The following PDGFD variants were observed in gnomAD, a reference collection of about 807,000 sequenced individuals.
The protein encoded by PDGFD is platelet derived growth factor D, also known as platelet-derived growth factor D.
A neutral mutation model predicts 44.7 loss-of-function variants in PDGFD; 30 were observed. The observed-to-expected ratio is 0.67, with a 90% CI of 0.50 to 0.91. The LOEUF (loss-of-function observed/expected upper bound fraction) is 0.91, where lower values mean the gene tolerates loss of function less well. Among genes scored for constraint, PDGFD ranks in the 40% least tolerant of loss-of-function variants. The pLI is 0.00. For missense variants in PDGFD, 445 were observed against 457.8 expected (o/e 0.97, Z 0.25); for synonymous variants, 173 against 168.4 (o/e 1.03, Z -0.21).
intron 1 of PDGFD, among the ~76,000 whole-genome samples, chr11:104,032,819 T>C (rs1016813104): frequency 1.3e-5 from 2 of 152,080 alleles, no homozygotes; most frequent in African/African-American, 2.4e-5. Context: ...TTCTGAGTGA[T>C]AGCCTGGAGA....
rs1170411419 is a variant in PDGFD at position 103,908,372 on chromosome 11, A to G, written c.*1322T>C. ...ACAGTTTTCTATTAAACAGTAGGAC[A>G]GCAGGGCCAAACTTGTGTTACCACA... On this transcript the variant is annotated 3_prime_UTR_variant, in exon 7 of 7. Transcript: ENST00000393158. 6.6e-6 allele frequency: 1 copy of G among 152,246 alleles called. No homozygotes were observed. Among genetic ancestry groups the G allele is most frequent in the Non-Finnish European group, 1.5e-5 (1 of 68,036 alleles). The allele number at this position is 152,246 out of a possible 1,614,324, so 9.4% of individuals were successfully genotyped here. A position where few individuals can be genotyped will look rare whatever the true frequency, so the allele number is the denominator to read the frequency against.
At chr11:104,111,262 C>CTTTTTTTTTTT in intron 1 of PDGFD, among the ~76,000 whole-genome samples, 1 of 119,646 alleles carries the variant, frequency 8.4e-6, no homozygotes. Flanking sequence ...ATTATTAATT[C>CTTTTTTTTTTT]TTTTTTTTTT....
chr11:104,113,561 A>G (rs1861591212), intron 1 of PDGFD, among the ~76,000 whole-genome samples: 2 of 151,500 alleles, frequency 1.3e-5, no homozygotes, highest in East Asian at 1.9e-4. Context: ...AATTATGAAC[A>G]TAGCTGCTAT....
rs1409943824 is a variant in PDGFD at position 104,082,142 on chromosome 11, A to ATATATATATATATATATATATATATG, written c.124+81661_124+81662insCATATATATATATATATATATATATA. Among the ~76,000 whole-genome samples the ATATATATATATATATATATATATATG allele has an allele frequency of 1.1e-4, 16 of 147,352 alleles. 1 individual carries two copies. The highest frequency in any genetic ancestry group is 4.1e-4 in the African/African-American group (16 of 39,216). On this transcript the variant is annotated intron_variant, in intron 1 of 6. Transcript: ENST00000393158. ...GATGTCCATATACATACATACATATATATATATGAAAAACAAAGTCCATTA... is the reference window on the plus strand; with the variant it reads ...GATGTCCATATACATACATACATATATATATATATATATATATATATATATGTATATATGAAAAACAAAGTCCATTA...
chr11:104,032,416 G>T (rs1387568028), intron 1 of PDGFD, among the ~76,000 whole-genome samples: 1 of 151,992 alleles, frequency 6.6e-6, no homozygotes, highest in African/African-American at 2.4e-5. Context: ...AATAAGTCTT[G>T]ATTACACGTT....
At chr11:104,086,319 G>A (rs1215529524) in intron 1 of PDGFD, among the ~76,000 whole-genome samples, 2 of 152,144 alleles carry the variant, frequency 1.3e-5, no homozygotes, top group Admixed American at 6.5e-5. Flanking sequence ...AAAGCCTGGA[G>A]GAACAGCATG....
intron 1 of PDGFD, among the ~76,000 whole-genome samples, chr11:104,022,427 G>A (rs1334565469): frequency 1.3e-5 from 2 of 152,186 alleles, no homozygotes; most frequent in South Asian, 2.1e-4. Context: ...CTTCTTATAG[G>A]ATAATGCTTT....
At chr11:103,953,451 G>T (rs1591091953) in intron 3 of PDGFD, among the ~76,000 whole-genome samples, 1 of 152,130 alleles carries the variant, frequency 6.6e-6, no homozygotes, top group African/African-American at 2.4e-5. Context: ...GTTGATATTG[G>T]TTAGCACTGA....
At chr11:103,921,989 T>A (rs1858231525) in intron 6 of PDGFD, among the ~76,000 whole-genome samples, 1 of 151,848 alleles carries the variant, frequency 6.6e-6, no homozygotes, top group East Asian at 1.9e-4. Context: ...TATAGGTTAT[T>A]CCTATCACTA....
intron 3 of PDGFD, among the ~76,000 whole-genome samples, chr11:103,961,196 T>C (rs1858930419): frequency 2.0e-5 from 3 of 152,190 alleles, no homozygotes; most frequent in Admixed American, 2.0e-4. Context: ...AGTGTTGCAA[T>C]GGAAGAATGA....
chr11:103,979,425 C>T (rs1422398508), intron 3 of PDGFD, among the ~76,000 whole-genome samples: 2 of 152,038 alleles, frequency 1.3e-5, no homozygotes, highest in Admixed American at 1.3e-4. Context: ...ATCCTACAAA[C>T]CCTCAGTTGT....
chr11:104,117,032 G>A (rs12272690), intron 1 of PDGFD, among the ~76,000 whole-genome samples: 37,889 of 151,736 alleles, frequency 0.25, 4,846 homozygotes, highest in East Asian at 0.29. Flanking sequence ...AATAATCCAT[G>A]AGGATCAAGT....
intron 1 of PDGFD, among the ~76,000 whole-genome samples, chr11:104,054,737 T>C (rs1185751828): frequency 6.6e-6 from 1 of 152,182 alleles, no homozygotes; most frequent in African/African-American, 2.4e-5. Context: ...AGGGAAAACG[T>C]TGGCTAGTTT....
At chr11:104,141,244 G>C (rs1862081114) in intron 1 of PDGFD, among the ~76,000 whole-genome samples, 1 of 152,120 alleles carries the variant, frequency 6.6e-6, no homozygotes, top group Non-Finnish European at 1.5e-5. Flanking sequence ...GTTGTAGGTT[G>C]AACGGTACCC....
chr11:104,080,667 G>GCAC (rs1688872611), intron 1 of PDGFD, among the ~76,000 whole-genome samples: 2 of 152,190 alleles, frequency 1.3e-5, no homozygotes, highest in Admixed American at 6.5e-5. Context: ...CTGTTGTGTA[G>GCAC]CACCCTTATG....
intron 3 of PDGFD, among the ~76,000 whole-genome samples, chr11:103,973,681 C>G (rs1407203123): frequency 6.6e-6 from 1 of 152,098 alleles, no homozygotes; most frequent in East Asian, 1.9e-4. Flanking sequence ...GAGTAAGCAG[C>G]AGAGGCTGAA....
intron 1 of PDGFD, among the ~76,000 whole-genome samples, chr11:104,106,837 G>A (rs550295940): frequency 2.1e-4 from 32 of 151,222 alleles, no homozygotes; most frequent in South Asian, 2.1e-4. Context: ...TCTGCTTCCC[G>A]AGTTCAAGCA....
Position 104,142,910 on chromosome 11 carries a change from G to A in PDGFD, c.124+20894C>T, listed in dbSNP as rs75776670. 1.0e-2 allele frequency among the ~76,000 whole-genome samples: 1,521 copies of A among 152,226 alleles called. 28 individuals carry two copies. The highest frequency in any genetic ancestry group is 0.035 in the African/African-American group (1,439 of 41,508). ...TGCATTCAGGGTGTCTGAGTGAGGC[G>A]AGTAAATCATTCCTGTAACTACAGG... On this transcript the variant is annotated intron_variant, in intron 1 of 6. Transcript: ENST00000393158.
At chr11:104,108,512 C>T (rs1048341513) in intron 1 of PDGFD, among the ~76,000 whole-genome samples, 14 of 152,258 alleles carry the variant, frequency 9.2e-5, no homozygotes, top group East Asian at 5.8e-4. Flanking sequence ...TACCATCTCA[C>T]GCCAGTTAGA....
Sources: gnomAD v4.1 joint callset for allele counts (sites outside exome capture counted in the v4.1 genomes callset) on GRCh38, gnomAD v4.1.1 for gene constraint, MANE v1.5 for transcripts, NCBI Gene and HGNC (gene_info 2026-07-23, HGNC 2026-07-21) for gene names.